Variants in ZNF584 observed in about 807,000 individuals in gnomAD.
ZNF584 encodes the protein zinc finger protein 584.
In ZNF584, 12 loss-of-function variants were observed where a neutral mutation model predicts 14.7. The observed-to-expected ratio is 0.82, with a 90% CI of 0.52 to 1.32. The LOEUF (loss-of-function observed/expected upper bound fraction) is 1.32. Ranked by LOEUF, ZNF584 falls within the 40% of genes most tolerant of loss-of-function variation. ZNF584 has a pLI of 0.00. For missense variants in ZNF584, 478 were observed against 518.8 expected (o/e 0.92, Z 0.76); for synonymous variants, 204 against 190.9 (o/e 1.07, Z -0.57).
chr19:58,406,344 C>CGGGGGGGGGGGGGG (rs1171489261), upstream of ZNF584: 1 of 24,400 alleles, frequency 4.1e-5, no homozygotes. Flanking sequence ...GTGGAAAGAG[C>CGGGGGGGGGGGGGG]GGGGGGGGGG....
chr19:58,405,842 G>A (rs1478144216), upstream of ZNF584: 2 of 164,044 alleles, frequency 1.2e-5, no homozygotes, highest in East Asian at 1.9e-4. Context: ...GCCGGGCAGA[G>A]ACGCTCCTCA....
rs539822817 is a variant in ZNF584 at position 58,414,787 on chromosome 19, G to A, written c.170-737G>A. ...GTTTTCATTGTTGTTCAAGTCTGCT[G>A]TTGTTATTGATGGTGGGAAATTACA... On this transcript the variant is annotated intron_variant, in intron 2 of 3. Coordinates refer to ENST00000306910, the MANE Select transcript of ZNF584 (RefSeq NM_173548.3). Among the ~76,000 whole-genome samples the A allele has an allele frequency of 4.6e-5, 7 of 152,242 alleles. No individual in the cohort carries two copies. In the South Asian group the frequency reaches 1.5e-3, roughly 32 times the overall value.
At chr19:58,415,085 G>A (rs1226374808) in intron 2 of ZNF584, among the ~76,000 whole-genome samples, 2 of 151,934 alleles carry the variant, frequency 1.3e-5, no homozygotes, top group African/African-American at 2.4e-5. Flanking sequence ...AGTAGAAGGG[G>A]GGTTTCACCG....
In ZNF584 at chr19:58,415,691, A is replaced by T. The variant is rs937714097; in HGVS notation, c.292+45A>T. On this transcript the variant is annotated intron_variant, in intron 3 of 3. Coordinates refer to ENST00000306910, the MANE Select transcript of ZNF584 (RefSeq NM_173548.3). Reference sequence around the variant, plus strand: ...ATACCTTGGTTTCAGCAGTGGGCTCACAGAATGCTGAGTACCTGCATACAC... The same window carrying T: ...ATACCTTGGTTTCAGCAGTGGGCTCTCAGAATGCTGAGTACCTGCATACAC... 9 of 1,608,050 alleles carry T rather than the reference A, an allele frequency of 5.6e-6. No individual in the cohort carries two copies. The Admixed American group carries it at 8.4e-5, about 15-fold the overall frequency.
intron 1 of ZNF584, among the ~76,000 whole-genome samples, chr19:58,402,051 A>G (rs2052435090): frequency 6.6e-6 from 1 of 151,930 alleles, no homozygotes. Context: ...CCCGGGCGAC[A>G]GAGCGAGAGA....
intron 1 of ZNF584, among the ~76,000 whole-genome samples, chr19:58,402,700 T>C (rs150607529): frequency 2.0e-3 from 301 of 152,076 alleles, no homozygotes; most frequent in African/African-American, 6.8e-3. Flanking sequence ...CACATGCCTG[T>C]TATCCCAGCT....
rs75405980 is a variant in ZNF584 at position 58,417,963 on chromosome 19, G to C, written c.*179G>C. 104 of 713,608 alleles carry C rather than the reference G, an allele frequency of 1.5e-4. No homozygotes were observed. The East Asian group carries it at 2.2e-3, about 15-fold the overall frequency. The allele number at this position is 713,608 out of a possible 1,614,324, so 44.2% of individuals were successfully genotyped here. A position where few individuals can be genotyped will look rare whatever the true frequency, so the allele number is the denominator to read the frequency against. ...GCCACATTGCACTCTGACTTGCCTGGGGCTGTTGGCAGTGTCACATCACTG... is the reference window on the plus strand; with the variant it reads ...GCCACATTGCACTCTGACTTGCCTGCGGCTGTTGGCAGTGTCACATCACTG... On this transcript the variant is annotated 3_prime_UTR_variant, in exon 4 of 4. Coordinates refer to ENST00000306910, the MANE Select transcript of ZNF584 (RefSeq NM_173548.3).
chr19:58,416,708 G>A lies in ZNF584; in HGVS notation c.293-103G>A, dbSNP rs1274426479. ...TGAGCCACCACGCCTGGCCCTTTCA[G>A]CAGTTCTATGGAGTCCTTCTGGGTG... On this transcript the variant is annotated intron_variant, in intron 3 of 3. Transcript: ENST00000306910. 2.8e-6 allele frequency: 4 copies of A among 1,417,796 alleles called. No homozygotes were observed. In the African/African-American group the frequency reaches 5.7e-5, roughly 20 times the overall value. 87.8% of individuals were successfully genotyped at this position (1,417,796 alleles called of 1,614,324 possible).
At chr19:58,414,011 C>T (rs1387424925) in intron 2 of ZNF584, among the ~76,000 whole-genome samples, 3 of 151,238 alleles carry the variant, frequency 2.0e-5, no homozygotes, top group South Asian at 2.1e-4. Context: ...TTAGTAGAGA[C>T]GGGGCTTCAC....
upstream of ZNF584, among the ~76,000 whole-genome samples, chr19:58,407,915 G>A (rs2052488031): frequency 6.6e-6 from 1 of 152,158 alleles, no homozygotes. Flanking sequence ...AGATCACCAT[G>A]GCCTGATATG....
chr19:58,403,491 G>A (rs1014582359), intron 1 of ZNF584, among the ~76,000 whole-genome samples: 4 of 138,356 alleles, frequency 2.9e-5, no homozygotes, highest in African/African-American at 1.0e-4. Flanking sequence ...CAGTAAAGCA[G>A]TGACTGCCAG....
intron 2 of ZNF584, among the ~76,000 whole-genome samples, chr19:58,410,777 A>ATTTTTTTTTTT (rs1491122996): frequency 1.2e-4 from 1 of 8,078 alleles, no homozygotes; most frequent in Non-Finnish European, 3.3e-4. Flanking sequence ...ATATATATAT[A>ATTTTTTTTTTT]ATTTTTTTTT....
intron 2 of ZNF584, 30 bp downstream of exon 2, chr19:58,410,121 C>T: frequency 1.9e-6 from 3 of 1,569,372 alleles, no homozygotes; most frequent in Non-Finnish European, 2.6e-6. Context: ...CCCCAGCACA[C>T]TGACTACCCC....
At chr19:58,404,980 G>C (rs1482326161), upstream of ZNF584, 37 of 152,126 alleles carry the variant, frequency 2.4e-4, no homozygotes, top group East Asian at 4.0e-4. Context: ...CGGGGTGGCT[G>C]GCCAGGCGGG....
intron 2 of ZNF584, among the ~76,000 whole-genome samples, chr19:58,410,532 T>C (rs1480597000): frequency 1.9e-4 from 4 of 21,044 alleles, no homozygotes; most frequent in African/African-American, 7.7e-4. Context: ...TATATATATA[T>C]ATATATATAT....
chr19:58,410,661 A>G lies in ZNF584; in HGVS notation c.169+570A>G. On this transcript the variant is annotated intron_variant, in intron 2 of 3. Transcript: ENST00000306910. ...TATATATATGTGTATATATGTGTAT[A>G]TATGTATATATGTGTATATATATGT... Among the ~76,000 whole-genome samples, 4 of 15,020 alleles carry G rather than the reference A, an allele frequency of 2.7e-4. 1 individual carries two copies. The South Asian group carries it at 4.1e-3, about 15-fold the overall frequency. 9.9% of individuals were successfully genotyped at this position (15,020 alleles called of 152,430 possible). A position where few individuals can be genotyped will look rare whatever the true frequency, so the allele number is the denominator to read the frequency against.
upstream of ZNF584, chr19:58,404,648 C>T (rs542828234): frequency 0.01 from 2,381 of 227,830 alleles, 18 homozygotes; most frequent in Non-Finnish European, 0.015. Flanking sequence ...TACACAGACA[C>T]GGCAACCATC....
At position 58,409,794 on chromosome 19, in the gene ZNF584, G is replaced by A. The variant is rs548967193; in HGVS notation, c.19-147G>A. On this transcript the variant is annotated intron_variant, in intron 1 of 3. Transcript: ENST00000306910. ...AGGAAGGTATAAGGGTATGTGTAGG[G>A]AGTAAGGTGGGGAAGAGTTTAGAGC... is the stretch of plus-strand genomic sequence containing the variant. 1.4e-4 allele frequency: 128 copies of A among 901,282 alleles called. 1 individual carries two copies. In the Middle Eastern group the frequency reaches 1.5e-3, roughly 10 times the overall value. The allele number at this position is 901,282 out of a possible 1,614,324, so 55.8% of individuals were successfully genotyped here. A position where few individuals can be genotyped will look rare whatever the true frequency, so the allele number is the denominator to read the frequency against.
At chr19:58,410,527 A>ATG (rs1245021485) in intron 2 of ZNF584, among the ~76,000 whole-genome samples, 3 of 17,378 alleles carry the variant, frequency 1.7e-4, no homozygotes, top group Admixed American at 6.5e-4. Flanking sequence ...AAATATATAT[A>ATG]TATATATATA....
Sources: gnomAD v4.1 joint callset for allele counts (sites outside exome capture counted in the v4.1 genomes callset) on GRCh38, gnomAD v4.1.1 for gene constraint, MANE v1.5 for transcripts, NCBI Gene and HGNC (gene_info 2026-07-23, HGNC 2026-07-21) for gene names.